The following TRPM1 variants were observed in gnomAD, a reference collection of about 807,000 sequenced individuals.
TRPM1 encodes the protein TRPM1-203 APA Isoform, Intron 10.
Under a neutral mutation model 149.4 loss-of-function variants are expected in TRPM1, and 113 were observed. The ratio of observed to expected loss-of-function variants is 0.76; its 90% CI spans 0.65 to 0.88. The LOEUF is 0.88. Ranked by LOEUF, TRPM1 falls within the 40% of genes least tolerant of loss-of-function variation. TRPM1 has a pLI of 0.00. For missense variants in TRPM1, 1,976 were observed against 2,038.7 expected (o/e 0.97, Z 0.59); for synonymous variants, 741 against 759.5 (o/e 0.98, Z 0.40).
Position 31,035,642 on chromosome 15 carries a change from G to C in TRPM1, c.2604C>G (p.Asn868Lys). The C allele has an allele frequency of 6.2e-7, 1 of 1,614,244 alleles. No homozygotes were observed. The highest frequency in any genetic ancestry group is 1.3e-5 in the African/African-American group (1 of 75,066). The change falls in exon 21 of 28, where the codon AAC becomes AAG. Residue 868 changes from asparagine to lysine, a missense_variant. Around this residue, in one of 3 missense-constraint regions of TRPM1, gnomAD observed 1,332 missense variants for 1,347.1 expected, o/e 0.99. Coordinates refer to ENST00000256552, the MANE Select transcript of TRPM1 (RefSeq NM_001252024.2). ...CATCCATCCGCACCAGGATGACGTA[G>C]TTAAACAGCAGCAGGTAGCCCAAGT... Reference protein sequence around the residue: ...ISYLGYLLLFNYVILVRMDGW... With the variant: ...ISYLGYLLLFKYVILVRMDGW...
In TRPM1 at chr15:31,044,802, AT is replaced by A. The variant is rs1329253456; in HGVS notation, c.1794+1401del. ...ACTCAAAAAAAAAAAAAAAAAAAAA[AT>A]TGGCACAAGAAATGAGACACAACTG... On this transcript the variant is annotated intron_variant, in intron 16 of 27. Coordinates refer to ENST00000256552, the MANE Select transcript of TRPM1 (RefSeq NM_001252024.2). Among the ~76,000 whole-genome samples the A allele has an allele frequency of 1.7e-3, 250 of 145,398 alleles. 1 individual carries two copies. Among genetic ancestry groups the A allele is most frequent in the South Asian group, 5.1e-3 (23 of 4,548 alleles).
chr15:31,124,283 TATAA>T (rs199961402), intron 1 of TRPM1, among the ~76,000 whole-genome samples: 4 of 151,548 alleles, frequency 2.6e-5, no homozygotes, highest in Admixed American at 1.3e-4. Context: ...AGACTCCGTC[TATAA>T]ATAAATAAAT....
At chr15:31,011,204 T>G (rs754378811) in intron 27 of TRPM1, among the ~76,000 whole-genome samples, 47 of 152,224 alleles carry the variant, frequency 3.1e-4, no homozygotes, top group Non-Finnish European at 5.4e-4. Context: ...AGCATGTAAT[T>G]ACACCATATT....
intron 1 of TRPM1, among the ~76,000 whole-genome samples, chr15:31,089,350 T>G (rs2035150523): frequency 6.6e-6 from 1 of 152,222 alleles, no homozygotes; most frequent in African/African-American, 2.4e-5. Context: ...TGGTTCAAAA[T>G]CCGGGAGGCT....
chr15:31,026,020 A>T, intron 27 of TRPM1, 119 bp downstream of exon 27: 1 of 1,448,780 alleles, frequency 6.9e-7, no homozygotes, highest in Non-Finnish European at 9.6e-7. Flanking sequence ...CTAAAGTTTA[A>T]ATAAAACAGG....
chr15:31,106,079 T>C (rs2035602139), upstream of TRPM1, among the ~76,000 whole-genome samples: 1 of 152,190 alleles, frequency 6.6e-6, no homozygotes, highest in Admixed American at 6.5e-5. Flanking sequence ...CAGAGTAGTC[T>C]GGCTGTGGCA....
chr15:31,041,419 G>A (rs1321486698), intron 17 of TRPM1, among the ~76,000 whole-genome samples: 2 of 152,110 alleles, frequency 1.3e-5, no homozygotes, highest in Non-Finnish European at 2.9e-5. Context: ...CAAAGTGCTG[G>A]GATTACAGGC....
chr15:31,081,563 G>T, intron 1 of TRPM1, 125 bp from the exon 2 acceptor site: 1 of 640,802 alleles, frequency 1.6e-6, no homozygotes, highest in Non-Finnish European at 2.7e-6. Context: ...CTTCACCAGG[G>T]CTCCCTGACT....
intron 12 of TRPM1, 40 bp downstream of exon 12, chr15:31,050,369 G>A: frequency 6.2e-7 from 1 of 1,614,032 alleles, no homozygotes; most frequent in Non-Finnish European, 8.5e-7. Context: ...CCTGGGGAAG[G>A]GTGATGCCAA....
chr15:31,131,785 C>A (rs1028578329), intron 1 of TRPM1, among the ~76,000 whole-genome samples: 11 of 152,180 alleles, frequency 7.2e-5, no homozygotes, highest in African/African-American at 1.9e-4. Context: ...GGCACTTGGG[C>A]CCCCAGCTGT....
chr15:31,072,006 T>G (rs1223900932), intron 3 of TRPM1, among the ~76,000 whole-genome samples: 37 of 38,286 alleles, frequency 9.7e-4, no homozygotes, highest in Non-Finnish European at 1.3e-3. Context: ...TATATATATA[T>G]ATATATATAT....
chr15:31,116,345 T>C (rs10851490), intron 1 of TRPM1, among the ~76,000 whole-genome samples: 93,590 of 151,980 alleles, frequency 0.62, 29,004 homozygotes, highest in East Asian at 0.74. Context: ...CCGTGGCTCA[T>C]GCCTGCAGTC....
At chr15:31,147,674 C>T (rs894819473) in intron 1 of TRPM1, among the ~76,000 whole-genome samples, 4 of 152,232 alleles carry the variant, frequency 2.6e-5, no homozygotes, top group Non-Finnish European at 5.9e-5. Flanking sequence ...CTGTGTATGG[C>T]AAAGTGCAGC....
intron 1 of TRPM1, among the ~76,000 whole-genome samples, chr15:31,143,247 A>T (rs570568993): frequency 1.3e-3 from 199 of 152,360 alleles, no homozygotes; most frequent in African/African-American, 4.7e-3. Flanking sequence ...GAAGAAACTG[A>T]TGGGTTTGTG....
At chr15:31,121,429 T>G (rs377182958) in intron 1 of TRPM1, among the ~76,000 whole-genome samples, 24 of 152,158 alleles carry the variant, frequency 1.6e-4, no homozygotes, top group African/African-American at 5.5e-4. Flanking sequence ...TTGGTGAATC[T>G]CTAGTCAAGT....
At chr15:31,064,123 A>G (rs1347950351) in intron 7 of TRPM1, among the ~76,000 whole-genome samples, 1 of 152,234 alleles carries the variant, frequency 6.6e-6, no homozygotes, top group African/African-American at 2.4e-5. Flanking sequence ...AAGGTGAACA[A>G]TCACAGTGCT....
intron 1 of TRPM1, among the ~76,000 whole-genome samples, chr15:31,107,249 T>C (rs1265385250): frequency 6.6e-6 from 1 of 152,248 alleles, no homozygotes; most frequent in African/African-American, 2.4e-5. Context: ...TATAGGTCTG[T>C]TCAGATTTTT....
At chr15:31,035,431 C>A in intron 21 of TRPM1, 115 bp downstream of exon 21, 8 of 1,456,334 alleles carry the variant, frequency 5.5e-6, no homozygotes, top group Non-Finnish European at 7.7e-6. Context: ...CAGGCATGAG[C>A]CACCACGCCT....
chr15:31,071,729 C>T (rs1876495112), intron 3 of TRPM1, among the ~76,000 whole-genome samples: 1 of 151,736 alleles, frequency 6.6e-6, no homozygotes, highest in African/African-American at 2.4e-5. Flanking sequence ...TTTGAGAGGC[C>T]GTGGCATGTG....
Sources: allele counts gnomAD v4.1 joint callset (sites outside exome capture counted in the v4.1 genomes callset), GRCh38; gene constraint gnomAD v4.1.1; regional missense constraint gnomAD v4.1.1; transcripts MANE v1.5; gene names NCBI Gene and HGNC (gene_info 2026-07-23, HGNC 2026-07-21).